The following CYP7B1 variants were observed in gnomAD, a reference collection of about 807,000 sequenced individuals.
CYP7B1 encodes the protein cytochrome P450 7B1.
Under a neutral mutation model 42.7 loss-of-function variants are expected in CYP7B1, and 29 were observed. The ratio of observed to expected loss-of-function variants is 0.68; its 90% CI spans 0.51 to 0.93. CYP7B1 has a LOEUF of 0.93. CYP7B1 is among the 40% of genes least tolerant of loss of function. CYP7B1 has a pLI of 0.00. For missense variants in CYP7B1, 655 were observed against 600.5 expected (o/e 1.09, Z -0.95); for synonymous variants, 235 against 218.2 (o/e 1.08, Z -0.68).
chr8:64,792,148 T>C (rs1176404524), intron 1 of CYP7B1, among the ~76,000 whole-genome samples: 1 of 152,168 alleles, frequency 6.6e-6, no homozygotes, highest in Non-Finnish European at 1.5e-5. Flanking sequence ...CCTAGAGTTA[T>C]GTGGAAAACA....
intron 1 of CYP7B1, among the ~76,000 whole-genome samples, chr8:64,649,715 A>G (rs572466874): frequency 6.6e-6 from 1 of 152,316 alleles, no homozygotes; most frequent in Admixed American, 6.5e-5. Context: ...ATCATCACCA[A>G]CACTAGTTAT....
At chr8:64,738,519 GAATAT>G (rs1807523106) in intron 1 of CYP7B1, among the ~76,000 whole-genome samples, 2 of 151,726 alleles carry the variant, frequency 1.3e-5, no homozygotes, top group Non-Finnish European at 2.9e-5. Flanking sequence ...TATCAGGATA[GAATAT>G]AATACAAGAA....
At chr8:64,788,658 T>C (rs112727256) in intron 1 of CYP7B1, among the ~76,000 whole-genome samples, 6,302 of 152,326 alleles carry the variant, frequency 0.041, 431 homozygotes, top group African/African-American at 0.14. Flanking sequence ...ATAATAATCT[T>C]ACTTGTTTTT....
intron 1 of CYP7B1, among the ~76,000 whole-genome samples, chr8:64,745,490 A>ATAGTG (rs1807630311): frequency 6.6e-6 from 1 of 152,218 alleles, no homozygotes; most frequent in Non-Finnish European, 1.5e-5. Context: ...TTCTACATTT[A>ATAGTG]TAGTGTGCAG....
intron 1 of CYP7B1, among the ~76,000 whole-genome samples, chr8:64,767,528 C>T (rs1804118505): frequency 6.6e-6 from 1 of 152,104 alleles, no homozygotes; most frequent in Admixed American, 6.5e-5. Context: ...ATGGCTAGCC[C>T]CGAAGAAGGA....
At chr8:64,677,222 C>T (rs945886340) in intron 1 of CYP7B1, among the ~76,000 whole-genome samples, 6 of 151,766 alleles carry the variant, frequency 4.0e-5, no homozygotes, top group Non-Finnish European at 7.4e-5. Flanking sequence ...CCCTAACTGG[C>T]CATTAAAATT....
intron 1 of CYP7B1, among the ~76,000 whole-genome samples, chr8:64,792,493 A>G (rs2129725980): frequency 6.6e-6 from 1 of 152,286 alleles, no homozygotes; most frequent in African/African-American, 2.4e-5. Flanking sequence ...AGTTCAACCC[A>G]TCATACATAC....
intron 1 of CYP7B1, among the ~76,000 whole-genome samples, chr8:64,649,597 C>T (rs1806008715): frequency 6.6e-6 from 1 of 152,154 alleles, no homozygotes; most frequent in Non-Finnish European, 1.5e-5. Flanking sequence ...TGTTGAATCA[C>T]ATGGAAACAC....
chr8:64,712,483 C>T (rs1412875333), intron 1 of CYP7B1, among the ~76,000 whole-genome samples: 4 of 151,910 alleles, frequency 2.6e-5, no homozygotes, highest in South Asian at 2.1e-4. Context: ...ATCATCACCA[C>T]TTGATCTTGC....
intron 1 of CYP7B1, among the ~76,000 whole-genome samples, chr8:64,772,562 A>C (rs1804253127): frequency 6.6e-6 from 1 of 152,158 alleles, no homozygotes; most frequent in Non-Finnish European, 1.5e-5. Flanking sequence ...CTCAGTAATC[A>C]TGTGAGCCAA....
intron 1 of CYP7B1, among the ~76,000 whole-genome samples, chr8:64,673,151 A>G (rs1291771703): frequency 6.6e-6 from 1 of 151,936 alleles, no homozygotes; most frequent in Non-Finnish European, 1.5e-5. Flanking sequence ...ACCCCAGAAA[A>G]ATTTCATGGG....
intron 1 of CYP7B1, among the ~76,000 whole-genome samples, chr8:64,702,577 G>A (rs1372499304): frequency 6.6e-6 from 1 of 152,092 alleles, no homozygotes; most frequent in Non-Finnish European, 1.5e-5. Flanking sequence ...CAGGAACCCT[G>A]CAATAAGAAC....
chr8:64,663,918 T>C (rs539789793), intron 1 of CYP7B1, among the ~76,000 whole-genome samples: 69 of 152,326 alleles, frequency 4.5e-4, no homozygotes, highest in African/African-American at 1.7e-3. Context: ...GTTACCACAA[T>C]GCTACAAGAT....
intron 2 of CYP7B1, among the ~76,000 whole-genome samples, chr8:64,619,677 T>TA (rs758329221): frequency 6.6e-5 from 10 of 152,178 alleles, no homozygotes; most frequent in Non-Finnish European, 1.3e-4. Flanking sequence ...TAAGAGACTT[T>TA]ACCACCTCAG....
chr8:64,685,302 A>T (rs1198747277), intron 1 of CYP7B1, among the ~76,000 whole-genome samples: 1 of 137,980 alleles, frequency 7.2e-6, no homozygotes, highest in South Asian at 2.6e-4. Flanking sequence ...CTGGGAAGTG[A>T]GGAGTGTCTC....
intron 1 of CYP7B1, among the ~76,000 whole-genome samples, chr8:64,706,620 C>T (rs1430482492): frequency 2.0e-5 from 3 of 151,896 alleles, no homozygotes; most frequent in South Asian, 2.1e-4. Flanking sequence ...CTTATCTTAT[C>T]GATTGGATTT....
intron 1 of CYP7B1, among the ~76,000 whole-genome samples, chr8:64,733,874 G>A (rs1404769787): frequency 6.6e-6 from 1 of 152,068 alleles, no homozygotes; most frequent in Non-Finnish European, 1.5e-5. Context: ...GGAGGCTAAG[G>A]AAGGAGGATT....
intron 2 of CYP7B1, among the ~76,000 whole-genome samples, chr8:64,617,887 A>G (rs1438073376): frequency 1.3e-5 from 2 of 151,526 alleles, no homozygotes; most frequent in Non-Finnish European, 2.9e-5. Flanking sequence ...TTTAATATAC[A>G]TGAATATACA....
At chr8:64,673,191 C>G (rs1325922676) in intron 1 of CYP7B1, among the ~76,000 whole-genome samples, 2 of 152,022 alleles carry the variant, frequency 1.3e-5, no homozygotes, top group African/African-American at 2.4e-5. Context: ...TTTCCCTCAC[C>G]TTGTTTTGAG....
Sources: allele counts gnomAD v4.1 joint callset (sites outside exome capture counted in the v4.1 genomes callset), GRCh38; gene constraint gnomAD v4.1.1; transcripts MANE v1.5; gene names NCBI Gene and HGNC (gene_info 2026-07-23, HGNC 2026-07-21).